The following AFF2 variants were observed in gnomAD, a reference collection of about 807,000 sequenced individuals.
AFF2 encodes AF4/FMR2 family member 2.
A neutral mutation model predicts 76.9 loss-of-function variants in AFF2; 14 were observed. That is an observed-to-expected ratio of 0.18 (90% CI 0.12 to 0.28). The LOEUF is 0.28. AFF2 is among the 10% of genes least tolerant of loss of function. AFF2 has a pLI of 1.00. For synonymous variants in AFF2, 398 were observed against 366.7 expected (o/e 1.09, Z -0.98); for missense variants, 868 against 1,001.1 (o/e 0.87, Z 1.79).
intron 9 of AFF2, among the ~76,000 whole-genome samples, chrX:148,915,752 C>T (rs782067731): frequency 4.6e-4 from 52 of 112,272 alleles, no homozygotes; most frequent in African/African-American, 1.5e-3. Flanking sequence ...TACCATGTTG[C>T]GCAGGTTTAA....
chrX:148,698,797 GTT>G (rs142604433), intron 3 of AFF2, among the ~76,000 whole-genome samples: 16,584 of 71,597 alleles, frequency 0.23, 1,653 homozygotes, highest in East Asian at 0.59. Flanking sequence ...GAGTTCTAGT[GTT>G]TTTTTTTTTT....
chrX:148,991,280 G>T lies in AFF2; in HGVS notation c.3884G>T (p.Arg1295Leu). 8.3e-7 allele frequency: 1 copy of T among 1,209,466 alleles called. No individual in the cohort carries two copies. Among genetic ancestry groups the T allele is most frequent in the Non-Finnish European group, 1.1e-6 (1 of 894,230 alleles). The change falls in exon 21 of 21, where the codon CGC becomes CTC. Residue 1295 changes from arginine to leucine, a missense_variant. By Grantham distance (102) the Arg-to-Leu change is moderately radical (BLOSUM62 -2). Transcript: ENST00000370460. The stretch of plus-strand genomic sequence containing the variant: ...CACAGCAGCATGACCAATCTTGTCC[G>T]CTACGTTCGCCAAGGACTGTGTTGG... ...TQHSSMTNLV[R>L]YVRQGLCWLR...
intron 4 of AFF2, among the ~76,000 whole-genome samples, chrX:148,821,430 G>T (rs1055815553): frequency 1.8e-5 from 2 of 110,642 alleles, no homozygotes; most frequent in Non-Finnish European, 3.8e-5. Context: ...CCAGATCTTG[G>T]CAGTCAAAGT....
At chrX:148,502,990 C>G in intron 1 of AFF2, among the ~76,000 whole-genome samples, 1 of 112,266 alleles carries the variant, frequency 8.9e-6, no homozygotes, top group Non-Finnish European at 1.9e-5. Flanking sequence ...AATGCAAAAC[C>G]TTTTTTTCCT....
chrX:148,533,770 T>C (rs1036589218), intron 1 of AFF2, among the ~76,000 whole-genome samples: 1 of 112,133 alleles, frequency 8.9e-6, no homozygotes, highest in South Asian at 3.7e-4. Flanking sequence ...AATCTAGAAA[T>C]TGGTTTTACT....
chrX:148,819,698 G>A (rs1203122156), intron 4 of AFF2, among the ~76,000 whole-genome samples: 1 of 110,601 alleles, frequency 9.0e-6, no homozygotes, highest in Non-Finnish European at 1.9e-5. Flanking sequence ...TTCATGTTAT[G>A]GATTATTATT....
intron 3 of AFF2, among the ~76,000 whole-genome samples, chrX:148,805,728 T>C (rs1482157738): frequency 2.7e-5 from 3 of 112,831 alleles, no homozygotes; most frequent in Non-Finnish European, 5.6e-5. Flanking sequence ...TTGTGTGTGG[T>C]CTCTCTGTGG....
intron 3 of AFF2, among the ~76,000 whole-genome samples, chrX:148,684,525 T>C (rs1192945737): frequency 8.9e-6 from 1 of 112,451 alleles, no homozygotes; most frequent in Non-Finnish European, 1.9e-5. Context: ...GAAGTATCCA[T>C]AAGTTAATGA....
chrX:148,617,471 T>G (rs1479153040), intron 1 of AFF2, among the ~76,000 whole-genome samples: 1 of 112,201 alleles, frequency 8.9e-6, no homozygotes, highest in Middle Eastern at 4.6e-3. Context: ...TTCTGGATAT[T>G]AGCCCTTTGT....
At chrX:148,741,363 C>T (rs1224902750) in intron 3 of AFF2, among the ~76,000 whole-genome samples, 5 of 110,154 alleles carry the variant, frequency 4.5e-5, no homozygotes. Context: ...GAGTTATGTA[C>T]CTAGGAGTAT....
intron 1 of AFF2, among the ~76,000 whole-genome samples, chrX:148,615,224 A>G (rs1397755140): frequency 1.8e-5 from 2 of 112,094 alleles, no homozygotes; most frequent in Non-Finnish European, 3.8e-5. Context: ...TAAAATATGC[A>G]GCATGCAGAA....
At chrX:148,513,241 C>T (rs147509656) in intron 1 of AFF2, among the ~76,000 whole-genome samples, 319 of 111,989 alleles carry the variant, frequency 2.8e-3, no homozygotes, top group African/African-American at 1.0e-2. Context: ...GCCTACGTGC[C>T]TATACTCCAA....
chrX:148,557,744 A>G (rs900606990), intron 1 of AFF2, among the ~76,000 whole-genome samples: 1 of 112,551 alleles, frequency 8.9e-6, no homozygotes, highest in Admixed American at 9.4e-5. Flanking sequence ...TTATCTTTAT[A>G]CAAATGCATG....
At chrX:148,891,702 G>C (rs781928928) in intron 8 of AFF2, among the ~76,000 whole-genome samples, 21 of 111,402 alleles carry the variant, frequency 1.9e-4, no homozygotes, top group African/African-American at 6.2e-4. Context: ...TCCACAGGTA[G>C]CGGGATGGCT....
intron 3 of AFF2, among the ~76,000 whole-genome samples, chrX:148,787,312 CTGTG>C (rs370207937): frequency 3.3e-4 from 36 of 108,123 alleles, no homozygotes; most frequent in African/African-American, 1.0e-3. Flanking sequence ...AACATTGCGG[CTGTG>C]TGTGTGTGTG....
In AFF2 at chrX:148,809,895, C is replaced by G; in HGVS notation, c.1061C>G (p.Pro354Arg). 2 of 1,210,860 alleles carry G rather than the reference C, an allele frequency of 1.7e-6. No individual in the cohort carries two copies. Among genetic ancestry groups the G allele is most frequent in the Non-Finnish European group, 2.2e-6 (2 of 894,951 alleles). ...QTSEVSLPSD[P>R]SCVEEILREM... is the part of the protein sequence containing the mutation. Reference sequence around the variant, plus strand: ...TTTCAGGTAAGCCTTCCCAGTGATCCAAGCTGTGTTGAAGAAATCTTGCGG... The same window carrying G: ...TTTCAGGTAAGCCTTCCCAGTGATCGAAGCTGTGTTGAAGAAATCTTGCGG... The change falls in exon 4 of 21, where the codon CCA becomes CGA. Residue 354 changes from proline (P) to arginine (R), a missense_variant. Coordinates refer to ENST00000370460, the MANE Select transcript of AFF2 (RefSeq NM_002025.4).
chrX:148,804,062 G>A (rs1163067349), intron 3 of AFF2, among the ~76,000 whole-genome samples: 4 of 111,846 alleles, frequency 3.6e-5, no homozygotes, highest in African/African-American at 1.3e-4. Context: ...CCAAGGCTCA[G>A]AGTGCTGACA....
intron 1 of AFF2, among the ~76,000 whole-genome samples, chrX:148,532,108 G>C (rs1385068200): frequency 9.0e-6 from 1 of 111,007 alleles, no homozygotes; most frequent in Non-Finnish European, 1.9e-5. Flanking sequence ...TTTGTGCAAG[G>C]CTAACTTAAG....
intron 3 of AFF2, among the ~76,000 whole-genome samples, chrX:148,708,274 G>A (rs2054910558): frequency 8.9e-6 from 1 of 112,046 alleles, no homozygotes; most frequent in African/African-American, 3.2e-5. Context: ...ATGCTAGAAA[G>A]TTATGTCATG....
Sources: allele counts gnomAD v4.1 joint callset (sites outside exome capture counted in the v4.1 genomes callset), GRCh38; gene constraint gnomAD v4.1.1; transcripts MANE v1.5; gene names NCBI Gene and HGNC (gene_info 2026-07-23, HGNC 2026-07-21).